Variants in LRRC4C observed in about 807,000 individuals in gnomAD.
LRRC4C encodes leucine rich repeat containing 4C.
In LRRC4C, 5 loss-of-function variants were observed where a neutral mutation model predicts 33.6. The ratio of observed to expected loss-of-function variants is 0.15; its 90% confidence interval spans 0.08 to 0.31. The LOEUF (loss-of-function observed/expected upper bound fraction) is 0.31, where lower values mean the gene tolerates loss of function less well. Ranked by LOEUF, LRRC4C falls within the 10% of genes least tolerant of loss-of-function variation. The pLI, the probability that LRRC4C is intolerant of heterozygous loss-of-function variation, is 1.00. For synonymous variants in LRRC4C, 329 were observed against 302.0 expected (o/e 1.09, Z -0.93); for missense variants, 560 against 796.7 (o/e 0.70, Z 3.58).
chr11:40,206,364 T>C (rs974677589), intron 5 of LRRC4C, among the ~76,000 whole-genome samples: 1 of 152,048 alleles, frequency 6.6e-6, no homozygotes, highest in Non-Finnish European at 1.5e-5. Context: ...GCCTGCCGAG[T>C]ACCTGGGATT....
intron 5 of LRRC4C, among the ~76,000 whole-genome samples, chr11:40,165,799 G>A (rs1185584015): frequency 6.6e-6 from 1 of 152,118 alleles, no homozygotes; most frequent in African/African-American, 2.4e-5. Flanking sequence ...TACAAAATTA[G>A]CCGGGCGTGG....
intron 2 of LRRC4C, among the ~76,000 whole-genome samples, chr11:40,840,522 T>C (rs1366562503): frequency 1.3e-5 from 2 of 152,084 alleles, no homozygotes; most frequent in African/African-American, 4.8e-5. Context: ...GAAAGGCAAA[T>C]AACATAAAAA....
At chr11:40,127,017 C>T (rs374470007) in intron 6 of LRRC4C, among the ~76,000 whole-genome samples, 8 of 151,764 alleles carry the variant, frequency 5.3e-5, no homozygotes, top group African/African-American at 9.7e-5. Flanking sequence ...TAGTGGCTCA[C>T]GCCTATAATC....
intron 1 of LRRC4C, among the ~76,000 whole-genome samples, chr11:41,068,770 C>A (rs544971564): frequency 2.0e-5 from 3 of 152,086 alleles, no homozygotes; most frequent in South Asian, 2.1e-4. Flanking sequence ...AACCTACCAA[C>A]CAACAACCAA....
intron 5 of LRRC4C, among the ~76,000 whole-genome samples, chr11:40,237,608 T>C (rs1422703419): frequency 6.6e-6 from 1 of 152,224 alleles, no homozygotes; most frequent in Non-Finnish European, 1.5e-5. Flanking sequence ...TCCCTTTCTC[T>C]TATTCTGCCA....
intron 3 of LRRC4C, among the ~76,000 whole-genome samples, chr11:40,355,668 C>A (rs1251900242): frequency 6.6e-6 from 1 of 152,140 alleles, no homozygotes; most frequent in African/African-American, 2.4e-5. Context: ...GATTCTCTCT[C>A]TGCACCATGC....
At chr11:41,238,652 A>T (rs1229499353) in intron 1 of LRRC4C, among the ~76,000 whole-genome samples, 1 of 152,158 alleles carries the variant, frequency 6.6e-6, no homozygotes, top group East Asian at 1.9e-4. Flanking sequence ...TGAACATGGG[A>T]TAGAATATAG....
intron 2 of LRRC4C, among the ~76,000 whole-genome samples, chr11:40,662,029 C>A (rs954148848): frequency 4.6e-5 from 7 of 152,210 alleles, no homozygotes; most frequent in African/African-American, 1.7e-4. Context: ...GTGTGTTACA[C>A]AAATTCACTC....
In LRRC4C at chr11:41,343,697, A is replaced by T. The variant is rs1465271048; in HGVS notation, c.-496+115734T>A. ...TGCAGCTTGAATACAGTTTTATTCC[A>T]CTTACTAATGCACATTAATAAAATC... On this transcript the variant is annotated intron_variant, in intron 1 of 6. Coordinates refer to ENST00000528697, the MANE Select transcript of LRRC4C (RefSeq NM_001258419.2). Among the ~76,000 whole-genome samples, 17 of 152,224 alleles carry T rather than the reference A, an allele frequency of 1.1e-4. 1 individual carries two copies.
At chr11:40,224,058 T>A (rs1056545476) in intron 5 of LRRC4C, among the ~76,000 whole-genome samples, 1 of 152,234 alleles carries the variant, frequency 6.6e-6, no homozygotes, top group South Asian at 2.1e-4. Context: ...TGTTTGTGCA[T>A]GCATTTTGCA....
intron 3 of LRRC4C, among the ~76,000 whole-genome samples, chr11:40,586,099 A>G (rs1433121323): frequency 4.1e-5 from 6 of 146,516 alleles, no homozygotes; most frequent in Non-Finnish European, 7.5e-5. Context: ...AACAGTGTAA[A>G]AGTGTTCCTA....
intron 6 of LRRC4C, among the ~76,000 whole-genome samples, chr11:40,117,490 T>C (rs1855517903): frequency 6.6e-6 from 1 of 152,228 alleles, no homozygotes; most frequent in Non-Finnish European, 1.5e-5. Context: ...GTCCCTACTC[T>C]TACTGGTTTT....
intron 1 of LRRC4C, among the ~76,000 whole-genome samples, chr11:41,015,240 C>T (rs1855495519): frequency 6.6e-6 from 1 of 152,130 alleles, no homozygotes; most frequent in Non-Finnish European, 1.5e-5. Flanking sequence ...TTATATTTTA[C>T]TTACTGTCAA....
intron 1 of LRRC4C, among the ~76,000 whole-genome samples, chr11:41,276,350 C>T (rs1027571514): frequency 4.6e-5 from 7 of 151,544 alleles, no homozygotes; most frequent in African/African-American, 1.7e-4. Context: ...TTGAACATGC[C>T]CATCCTGTTT....
chr11:40,587,250 G>A (rs1958799947), intron 3 of LRRC4C, among the ~76,000 whole-genome samples: 1 of 147,698 alleles, frequency 6.8e-6, no homozygotes, highest in South Asian at 2.2e-4. Flanking sequence ...GTGAATGGGA[G>A]TTCACTCATG....
chr11:40,230,056 A>T (rs762159560), intron 5 of LRRC4C, among the ~76,000 whole-genome samples: 7 of 152,206 alleles, frequency 4.6e-5, no homozygotes, highest in Non-Finnish European at 8.8e-5. Flanking sequence ...TGGCAGTCAG[A>T]GATTTGAAAA....
chr11:41,227,685 C>A (rs1196980259), intron 1 of LRRC4C, among the ~76,000 whole-genome samples: 1 of 151,962 alleles, frequency 6.6e-6, no homozygotes, highest in Non-Finnish European at 1.5e-5. Context: ...AACCTCCGAA[C>A]TTTTTTCTTT....
chr11:41,292,456 A>G (rs193057139), intron 1 of LRRC4C, among the ~76,000 whole-genome samples: 4 of 152,250 alleles, frequency 2.6e-5, no homozygotes, highest in Admixed American at 2.6e-4. Context: ...AATTGTTACT[A>G]AAACATGCCT....
chr11:41,411,142 A>ATTTTTTTTTTTTTTTTTTTTT lies in LRRC4C; in HGVS notation c.-496+48268_-496+48288dup, dbSNP rs370574515. Among the ~76,000 whole-genome samples the ATTTTTTTTTTTTTTTTTTTTT allele has an allele frequency of 1.0e-3, 59 of 57,224 alleles. 8 individuals are homozygous for ATTTTTTTTTTTTTTTTTTTTT. Among genetic ancestry groups the ATTTTTTTTTTTTTTTTTTTTT allele is most frequent in the African/African-American group, 4.5e-3 (39 of 8,602 alleles). 37.5% of individuals were successfully genotyped at this position (57,224 alleles called of 152,430 possible). A position where few individuals can be genotyped will look rare whatever the true frequency, so the allele number is the denominator to read the frequency against. On this transcript the variant is annotated intron_variant, in intron 1 of 6. Transcript: ENST00000528697. ...ATGAGAAACACTTGGTTGGTACCCT[A>ATTTTTTTTTTTTTTTTTTTTT]TTTTTTTTTTTTTTTTTTTTTTTTG...
Sources: gnomAD v4.1 joint callset for allele counts (sites outside exome capture counted in the v4.1 genomes callset) on GRCh38, gnomAD v4.1.1 for gene constraint, MANE v1.5 for transcripts, NCBI Gene and HGNC (gene_info 2026-07-23, HGNC 2026-07-21) for gene names.